DOP1B: variants seen among roughly 807,000 people sequenced by gnomAD.
The protein encoded by DOP1B is DOP1 leucine zipper like protein B.
Under a neutral mutation model 233.5 loss-of-function variants are expected in DOP1B, and 174 were observed. The ratio of observed to expected loss-of-function variants is 0.75; its 90% CI spans 0.66 to 0.85. DOP1B has a LOEUF of 0.85. Among genes scored for constraint, DOP1B ranks in the 40% least tolerant of loss-of-function variants. DOP1B has a pLI of 0.00. For missense variants in DOP1B, 2,652 were observed against 2,846.6 expected, an observed-to-expected ratio of 0.93 and a Z score of 1.56; for synonymous variants, 1,190 against 1,185.6, an observed-to-expected ratio of 1.00 and a Z score of -0.08.
intron 32 of DOP1B, 57 bp from the exon 33 acceptor site, chr21:36,287,957 G>C: frequency 2.5e-6 from 4 of 1,568,896 alleles, no homozygotes; most frequent in Non-Finnish European, 3.4e-6. Flanking sequence ...TTCTTTGTCT[G>C]ATAAGAAACC....
intron 1 of DOP1B, among the ~76,000 whole-genome samples, chr21:36,161,131 T>G (rs80052149): frequency 1.6e-5 from 1 of 63,474 alleles, no homozygotes; most frequent in South Asian, 7.4e-4. Flanking sequence ...TTTACTGTTG[T>G]TTTTTTTTGT....
In DOP1B at chr21:36,177,317, G is replaced by A. The variant is rs968226959; in HGVS notation, c.138+12446G>A. 7.9e-5 allele frequency among the ~76,000 whole-genome samples: 12 copies of A among 152,158 alleles called. 1 individual carries two copies. Among genetic ancestry groups the A allele is most frequent in the African/African-American group, 2.7e-4 (11 of 41,422 alleles). On this transcript the variant is annotated intron_variant, in intron 2 of 36. Coordinates refer to ENST00000691173, the MANE Select transcript of DOP1B (RefSeq NM_001320714.2). The stretch of plus-strand genomic sequence containing the variant: ...GCCACTCACACTGTAAGATCGAGAT[G>A]GTCTTTTTGAAAAGAGCATTTCTCT...
intron 26 of DOP1B, among the ~76,000 whole-genome samples, chr21:36,266,992 T>C (rs2067238030): frequency 6.6e-6 from 1 of 152,138 alleles, no homozygotes. Flanking sequence ...GCCACTTCCC[T>C]CGAGCGCACC....
intron 5 of DOP1B, among the ~76,000 whole-genome samples, chr21:36,209,802 TGCTGTCTTTC>T (rs1402621033): frequency 1.3e-5 from 2 of 152,226 alleles, no homozygotes; most frequent in African/African-American, 4.8e-5. Context: ...TTTTGTGTCT[TGCTGTCTTTC>T]GCCACCTGGT....
chr21:36,240,984 G>A (rs2066886176), intron 18 of DOP1B, among the ~76,000 whole-genome samples: 1 of 152,212 alleles, frequency 6.6e-6, no homozygotes, highest in South Asian at 2.1e-4. Context: ...GGCCCAGAAT[G>A]TGGCAAGACA....
chr21:36,161,457 G>A (rs568387972), intron 1 of DOP1B, among the ~76,000 whole-genome samples: 8 of 152,126 alleles, frequency 5.3e-5, no homozygotes, highest in African/African-American at 1.9e-4. Flanking sequence ...TTTTTTAACA[G>A]CTTTATTGCA....
At chr21:36,229,165 G>A (rs980186707) in intron 13 of DOP1B, among the ~76,000 whole-genome samples, 2 of 152,090 alleles carry the variant, frequency 1.3e-5, no homozygotes, top group Non-Finnish European at 2.9e-5. Context: ...GAATATAAGC[G>A]AGATGAGGTA....
At chr21:36,161,130 G>GTT (rs113357683) in intron 1 of DOP1B, among the ~76,000 whole-genome samples, 61 of 150,604 alleles carry the variant, frequency 4.1e-4, no homozygotes, top group South Asian at 1.7e-3. Flanking sequence ...GTTTACTGTT[G>GTT]TTTTTTTTTG....
At chr21:36,198,343 C>A (rs1022541880) in intron 2 of DOP1B, among the ~76,000 whole-genome samples, 1 of 151,634 alleles carries the variant, frequency 6.6e-6, no homozygotes, top group Non-Finnish European at 1.5e-5. Context: ...GCAGGAGAAT[C>A]GCTTGAACCT....
At chr21:36,214,273 A>G (rs1438952148) in intron 8 of DOP1B, 83 bp downstream of exon 8, 1 of 1,322,694 alleles carries the variant, frequency 7.6e-7, no homozygotes, top group African/African-American at 1.5e-5. Flanking sequence ...CCACATAGGC[A>G]GTGAGCACGT....
intron 18 of DOP1B, among the ~76,000 whole-genome samples, chr21:36,242,439 C>T (rs1041559734): frequency 3.9e-5 from 6 of 152,032 alleles, no homozygotes; most frequent in East Asian, 1.9e-4. Context: ...CCTCCCAAAG[C>T]GCTGGGATTA....
At chr21:36,180,361 G>C (rs2066082509) in intron 2 of DOP1B, among the ~76,000 whole-genome samples, 1 of 152,076 alleles carries the variant, frequency 6.6e-6, no homozygotes, top group African/African-American at 2.4e-5. Flanking sequence ...CTGAGGTCAG[G>C]AGTTCAAGAC....
Position 36,227,987 on chromosome 21 carries a change from T to C in DOP1B, c.1665+110T>C. The C allele has an allele frequency of 2.7e-6, 3 of 1,102,910 alleles. No homozygotes were observed. In the South Asian group the frequency reaches 6.1e-5, roughly 22 times the overall value. The allele number at this position is 1,102,910 out of a possible 1,614,324, so 68.3% of individuals were successfully genotyped here. On this transcript the variant is annotated intron_variant, in intron 13 of 36. Transcript: ENST00000691173. ...TAGGATAGGAATAAAGATGAGAAGA[T>C]ACCCAGGTGATATGTCAAATATGCT...
intron 5 of DOP1B, among the ~76,000 whole-genome samples, chr21:36,209,114 GT>G (rs1159914021): frequency 6.6e-6 from 1 of 151,994 alleles, no homozygotes; most frequent in Non-Finnish European, 1.5e-5. Context: ...ATGCATTAAG[GT>G]TTTTTTTGTT....
intron 2 of DOP1B, among the ~76,000 whole-genome samples, chr21:36,167,848 A>G (rs970280172): frequency 6.7e-6 from 1 of 149,794 alleles, no homozygotes; most frequent in Non-Finnish European, 1.5e-5. Flanking sequence ...CATCCATGTT[A>G]TAGTATGTGT....
At chr21:36,239,688 T>C in intron 17 of DOP1B, 77 bp from the exon 18 acceptor site, 1 of 1,449,892 alleles carries the variant, frequency 6.9e-7, no homozygotes, top group Non-Finnish European at 9.2e-7. Context: ...GGTGACGCCC[T>C]ATGCCCAGTG....
Position 36,207,186 on chromosome 21 carries a change from T to C in DOP1B, c.492-1529T>C, listed in dbSNP as rs573254678. Among the ~76,000 whole-genome samples the C allele has an allele frequency of 3.3e-3, 497 of 151,222 alleles. 3 individuals carry two copies. Among genetic ancestry groups the C allele is most frequent in the African/African-American group, 0.011 (464 of 41,322 alleles). On this transcript the variant is annotated intron_variant, in intron 4 of 36. Coordinates refer to ENST00000691173, the MANE Select transcript of DOP1B (RefSeq NM_001320714.2). ...TGAGTTTTTTTTTTTTCTTTTTTTC[T>C]TTTCTTTTTTTTTTTTGAGACAGAG...
intron 2 of DOP1B, among the ~76,000 whole-genome samples, chr21:36,167,235 C>A (rs553733753): frequency 1.3e-5 from 2 of 152,234 alleles, no homozygotes; most frequent in South Asian, 4.2e-4. Context: ...TGCAGTGACA[C>A]GATCTCGGCT....
chr21:36,191,186 G>GT (rs2066229655), intron 2 of DOP1B, among the ~76,000 whole-genome samples: 1 of 151,718 alleles, frequency 6.6e-6, no homozygotes. Context: ...GAAGAGTGTC[G>GT]TTGGGGGAAG....
Sources: gnomAD v4.1 joint callset for allele counts (sites outside exome capture counted in the v4.1 genomes callset) on GRCh38, gnomAD v4.1.1 for gene constraint, MANE v1.5 for transcripts, NCBI Gene and HGNC (gene_info 2026-07-23, HGNC 2026-07-21) for gene names.